Variants in CFLAR observed in about 807,000 individuals in gnomAD.
CFLAR encodes CASP8 and FADD-like apoptosis regulator.
A neutral mutation model predicts 51.1 loss-of-function variants in CFLAR; 14 were observed. That is an observed-to-expected ratio of 0.27 (90% CI 0.18 to 0.43). CFLAR has a LOEUF of 0.43. Ranked by LOEUF, CFLAR falls within the 20% of genes least tolerant of loss-of-function variation. The probability of loss-of-function intolerance (pLI) is 1.00; values close to 1 mark genes in which losing one functional copy is unlikely to be tolerated. For synonymous variants in CFLAR, 210 were observed against 211.6 expected (o/e 0.99, Z 0.06); for missense variants, 390 against 566.5 (o/e 0.69, Z 3.16).
Position 201,140,538 on chromosome 2 carries a change from T to G in CFLAR, c.606+99T>G, listed in dbSNP as rs892020811. On this transcript the variant is annotated intron_variant, in intron 5 of 9. Coordinates refer to ENST00000309955, the MANE Select transcript of CFLAR (RefSeq NM_003879.7). ...CACAGCATGTACTTTATTTAATATC[T>G]GAAAAAATTGTGATAGAAATGTGTA... 5.8e-6 allele frequency: 5 copies of G among 857,308 alleles called. No homozygotes were observed. In the Admixed American group the frequency reaches 1.6e-4, roughly 28 times the overall value. 53.1% of individuals were successfully genotyped at this position (857,308 alleles called of 1,614,324 possible).
At chr2:201,146,989 A>G (rs189466521) in intron 6 of CFLAR, among the ~76,000 whole-genome samples, 1 of 152,348 alleles carries the variant, frequency 6.6e-6, no homozygotes, top group African/African-American at 2.4e-5. Flanking sequence ...CATGTTTCTT[A>G]AAACACTGGT....
intron 3 of CFLAR, 130 bp from the exon 4 acceptor site, chr2:201,135,842 G>A: frequency 7.8e-7 from 1 of 1,286,662 alleles, no homozygotes. Context: ...GCTCAGGCTG[G>A]TCTCAAACTC....
intron 3 of CFLAR, among the ~76,000 whole-genome samples, chr2:201,135,428 C>T (rs376274250): frequency 6.6e-6 from 1 of 152,166 alleles, no homozygotes; most frequent in South Asian, 2.1e-4. Context: ...GCACACGTGT[C>T]TCTCTGCAAC....
At chr2:201,137,648 G>A (rs751980321) in intron 4 of CFLAR, 32 of 758,744 alleles carry the variant, frequency 4.2e-5, no homozygotes, top group Non-Finnish European at 6.6e-5. Flanking sequence ...TGTGGGCCCC[G>A]ATATCCTGGC....
intron 1 of CFLAR, among the ~76,000 whole-genome samples, chr2:201,123,983 C>T (rs774492789): frequency 9.2e-5 from 14 of 152,218 alleles, no homozygotes; most frequent in Admixed American, 9.2e-4. Flanking sequence ...TCTCCATTGC[C>T]GCCCAGTTTG....
chr2:201,136,365 G>C (rs767356416), intron 4 of CFLAR: 2 of 1,598,468 alleles, frequency 1.3e-6, no homozygotes, highest in Non-Finnish European at 1.7e-6. Flanking sequence ...CTTCAAGAAA[G>C]AATCTGGGAT....
At chr2:201,143,300 C>G (rs1210621607) in intron 5 of CFLAR, 1 of 151,572 alleles carries the variant, frequency 6.6e-6, no homozygotes. Context: ...TGGAGAAACC[C>G]TGTCTCTACT....
At chr2:201,133,204 G>A in intron 3 of CFLAR, 70 bp downstream of exon 3, 1 of 1,171,460 alleles carries the variant, frequency 8.5e-7, no homozygotes, top group Non-Finnish European at 1.3e-6. Flanking sequence ...TGTTGATACA[G>A]AGAGAGGGAA....
At chr2:201,136,738 C>T (rs1482995000) in intron 4 of CFLAR, 7 of 492,768 alleles carry the variant, frequency 1.4e-5, no homozygotes, top group Admixed American at 3.4e-5. Flanking sequence ...TCTTTTACCC[C>T]AACATACTCT....
At chr2:201,136,267 T>G (rs1490446644) in intron 4 of CFLAR, 160 bp downstream of exon 4, 2 of 1,601,210 alleles carry the variant, frequency 1.2e-6, no homozygotes, top group Admixed American at 3.3e-5. Flanking sequence ...TCCCTTTATA[T>G]TCTTCATATC....
At position 201,165,259 on chromosome 2, in the gene CFLAR, ATT is replaced by A. The variant is rs1943426011; in HGVS notation, c.*1287_*1288del. The A allele has an allele frequency of 2.1e-5, 3 of 146,136 alleles. No individual in the cohort carries two copies. The East Asian group carries it at 5.9e-4, about 29-fold the overall frequency. 9.1% of individuals were successfully genotyped at this position (146,136 alleles called of 1,614,324 possible). A position where few individuals can be genotyped will look rare whatever the true frequency, so the allele number is the denominator to read the frequency against. On this transcript the variant is annotated 3_prime_UTR_variant, in exon 10 of 10. Transcript: ENST00000309955. Reference sequence around the variant, plus strand: ...AGAGTTGCTTATTATTATTATTATTATTATTATTATTATTATTATTATTATTA... The same window carrying A: ...AGAGTTGCTTATTATTATTATTATTAATTATTATTATTATTATTATTATTA...
rs2047809308 is a variant in CFLAR, at chr2:201,118,243, CCTT to C, written c.-138+1766_-138+1768del. ...GTTTCTGTTTGTAACTGACATTTGA[CCTT>C]CTTTTAACACGGTATTACTTGCTTC... On this transcript the variant is annotated intron_variant, in intron 1 of 9. Transcript: ENST00000309955. This position sits in a 1 kb window ranked among gnomAD's most constrained non-coding sequence, Gnocchi z 5.1. 6.6e-6 allele frequency among the ~76,000 whole-genome samples: 1 copy of C among 152,192 alleles called. No individual in the cohort carries two copies. Among genetic ancestry groups the C allele is most frequent in the South Asian group, 2.1e-4 (1 of 4,828 alleles).
intron 1 of CFLAR, among the ~76,000 whole-genome samples, chr2:201,120,021 T>C (rs2048032442): frequency 6.8e-6 from 1 of 146,280 alleles, no homozygotes; most frequent in Non-Finnish European, 1.5e-5. Flanking sequence ...TTCTTTTCTT[T>C]TCTTTTTTTT....
Position 201,176,282 on chromosome 2 carries a change from G to GC in CFLAR, c.*12309_*12310insC, listed in dbSNP as rs1292493886. On this transcript the variant is annotated 3_prime_UTR_variant, in exon 10 of 10. Transcript: ENST00000309955. ...AGTCTCAGGTGTTTTCTATTGCGGG[G>GC]GGGGGGGGCGGGCGGGGGAGCTGCC... 4.7e-5 allele frequency: 6 copies of GC among 127,040 alleles called. 1 individual carries two copies. Among genetic ancestry groups the GC allele is most frequent in the Admixed American group, 1.5e-4 (2 of 13,362 alleles). The allele number at this position is 127,040 out of a possible 1,614,324, so 7.9% of individuals were successfully genotyped here. A position where few individuals can be genotyped will look rare whatever the true frequency, so the allele number is the denominator to read the frequency against.
chr2:201,158,335 A>G (rs748587065), intron 8 of CFLAR, among the ~76,000 whole-genome samples: 31 of 152,240 alleles, frequency 2.0e-4, no homozygotes, highest in Non-Finnish European at 4.4e-4. Context: ...GGCACAGTAC[A>G]GCATTTGTTC....
intron 4 of CFLAR, 77 bp from the exon 5 acceptor site, chr2:201,140,280 G>C (rs911339082): frequency 6.2e-5 from 97 of 1,556,656 alleles, no homozygotes; most frequent in Middle Eastern, 3.4e-4. Flanking sequence ...GATTGACCTT[G>C]GACTGAACCA....
chr2:201,136,353 G>A, intron 4 of CFLAR: 3 of 1,598,418 alleles, frequency 1.9e-6, no homozygotes, highest in Admixed American at 1.7e-5. Context: ...TAACATTTCA[G>A]TCTTCAAGAA....
At chr2:201,141,882 G>A (rs939202357) in intron 5 of CFLAR, 1 of 154,728 alleles carries the variant, frequency 6.5e-6, no homozygotes, top group Non-Finnish European at 1.4e-5. Context: ...CAATTTCATG[G>A]TTAAATTAGA....
At chr2:201,131,012 G>A (rs887866880) in intron 2 of CFLAR, among the ~76,000 whole-genome samples, 2 of 152,156 alleles carry the variant, frequency 1.3e-5, no homozygotes, top group Admixed American at 1.3e-4. Flanking sequence ...CCTGCGCTTG[G>A]AGACATTGGA....
Sources: allele counts gnomAD v4.1 joint callset (sites outside exome capture counted in the v4.1 genomes callset), GRCh38; gene constraint gnomAD v4.1.1; non-coding constraint Gnocchi (gnomAD v3.1); transcripts MANE v1.5; gene names NCBI Gene and HGNC (gene_info 2026-07-23, HGNC 2026-07-21).